ADGRB1: variants seen among roughly 807,000 people sequenced by gnomAD.
The protein encoded by ADGRB1 is adhesion G protein-coupled receptor B1.
Under a neutral mutation model 175.7 loss-of-function variants are expected in ADGRB1, and 36 were observed. That is an observed-to-expected ratio of 0.20 (90% CI 0.16 to 0.27). The LOEUF (loss-of-function observed/expected upper bound fraction) is 0.27, where lower values mean the gene tolerates loss of function less well. Ranked by LOEUF, ADGRB1 falls within the 10% of genes least tolerant of loss-of-function variation. The pLI, the probability that ADGRB1 is intolerant of heterozygous loss-of-function variation, is 1.00. For synonymous variants in ADGRB1, 1,054 were observed against 979.4 expected, an observed-to-expected ratio of 1.08 and a Z score of -1.42; for missense variants, 1,731 against 2,255.3, an observed-to-expected ratio of 0.77 and a Z score of 4.71.
chr8:142,454,744 A>G (rs530536163), intron 1 of ADGRB1, among the ~76,000 whole-genome samples: 1 of 152,180 alleles, frequency 6.6e-6, no homozygotes, highest in South Asian at 2.1e-4. Context: ...GCCACTGAGG[A>G]GGCGGCTCCG....
chr8:142,544,250 C>T lies in ADGRB1; in HGVS notation c.4588C>T (p.Pro1530Ser), dbSNP rs1402389845. Residue 1530 changes from proline to serine, a missense_variant, in exon 31 of 31, where the codon CCC (proline) becomes TCC (serine). By Grantham distance (74) the Pro-to-Ser change is moderately conservative. Coordinates refer to ENST00000517894, the MANE Select transcript of ADGRB1 (RefSeq NM_001702.3). ...AAAGCAGCAGACGCCCAACAAGAGGCCCTGGGAGAGCCTCCGGAAAGCCCA... is the reference window on the plus strand; with the variant it reads ...AAAGCAGCAGACGCCCAACAAGAGGTCCTGGGAGAGCCTCCGGAAAGCCCA... ...PEKQQTPNKR[P>S]WESLRKAHGT... 5.2e-6 allele frequency: 8 copies of T among 1,549,096 alleles called. No homozygotes were observed. Among genetic ancestry groups the T allele is most frequent in the Non-Finnish European group, 7.0e-6 (8 of 1,146,686 alleles).
rs1389179658 is a variant in ADGRB1 at position 142,489,384 on chromosome 8, C to G, written c.2577C>G (p.Pro859=). The G allele has an allele frequency of 6.2e-7, 1 of 1,612,990 alleles. No individual in the cohort carries two copies. Among genetic ancestry groups the G allele is most frequent in the South Asian group, 1.1e-5 (1 of 91,084 alleles). The part of the protein sequence containing the change: ...NSKVISVTVK[P]PPRSLRTPLE... Reference sequence around the variant, plus strand: ...AGGTGATCTCCGTGACTGTGAAACCCCCGCCTCGCTCCCTGCGCACACCCT... The same window carrying G: ...AGGTGATCTCCGTGACTGTGAAACCGCCGCCTCGCTCCCTGCGCACACCCT... Residue 859 remains proline (P), a synonymous_variant, in exon 16 of 31, where the codon CCC becomes CCG. Transcript: ENST00000517894.
rs1843069336 is a variant in ADGRB1, at chr8:142,510,947, C to A, written c.2691C>A (p.Ala897=). The A allele has an allele frequency of 7.8e-7, 1 of 1,288,682 alleles. No homozygotes were observed. Among genetic ancestry groups the A allele is most frequent in the Non-Finnish European group, 1.0e-6 (1 of 1,000,424 alleles). The allele number at this position is 1,288,682 out of a possible 1,614,324, so 79.8% of individuals were successfully genotyped here. A position where few individuals can be genotyped will look rare whatever the true frequency, so the allele number is the denominator to read the frequency against. Residue 897 remains alanine (A), a synonymous_variant, in exon 18 of 31, where the codon GCC becomes GCA. Coordinates refer to ENST00000517894, the MANE Select transcript of ADGRB1 (RefSeq NM_001702.3). The surrounding 1 kb of genome is among the most constrained non-coding windows in gnomAD (Gnocchi z 6.3). ...CCGCCCCCAGACCCTCCTCCTCCGC[C>A]CCCCCGCAGCTCGGGCCCTGGTCGT... ...WDETDVPSSS[A]PPQLGPWSWR...
At position 142,542,909 on chromosome 8, in the gene ADGRB1, A is replaced by C. The variant is rs1243674440; in HGVS notation, c.4413+262A>C. Among the ~76,000 whole-genome samples, 2 of 152,118 alleles carry C rather than the reference A, an allele frequency of 1.3e-5. No individual in the cohort carries two copies. The highest frequency in any genetic ancestry group is 2.9e-5 in the Non-Finnish European group (2 of 67,996). ...TCTGGACCCACGGAGCAGGACCTGC[A>C]CCTCGCACAGTCGCTAGTCCAGCCC... On this transcript the variant is annotated intron_variant, in intron 28 of 30. Coordinates refer to ENST00000517894, the MANE Select transcript of ADGRB1 (RefSeq NM_001702.3). This position sits in a 1 kb window ranked among gnomAD's most constrained non-coding sequence, Gnocchi z 6.3.
At position 142,474,799 on chromosome 8, in the gene ADGRB1, C is replaced by T. The variant is rs1011907284; in HGVS notation, c.785-675C>T. Among the ~76,000 whole-genome samples, 2 of 152,006 alleles carry T rather than the reference C, an allele frequency of 1.3e-5. No homozygotes were observed. Among genetic ancestry groups the T allele is most frequent in the African/African-American group, 2.4e-5 (1 of 41,380 alleles). On this transcript the variant is annotated intron_variant, in intron 2 of 30. Coordinates refer to ENST00000517894, the MANE Select transcript of ADGRB1 (RefSeq NM_001702.3). The surrounding 1 kb of genome is among the most constrained non-coding windows in gnomAD (Gnocchi z 5.8). ...GGCCGGGGTCAGGGCAGGGGCGTGGCGGGGAGGCGCCTGCAGGCATTTATC... is the reference window on the plus strand; with the variant it reads ...GGCCGGGGTCAGGGCAGGGGCGTGGTGGGGAGGCGCCTGCAGGCATTTATC...
chr8:142,528,324 TC>T (rs1450134178), intron 24 of ADGRB1, among the ~76,000 whole-genome samples: 2 of 151,650 alleles, frequency 1.3e-5, no homozygotes, highest in African/African-American at 2.4e-5. Flanking sequence ...CTCACTACCT[TC>T]CCCCCATGCC....
intron 17 of ADGRB1, 70 bp downstream of exon 17, chr8:142,490,885 G>T: frequency 1.3e-6 from 2 of 1,525,008 alleles, no homozygotes; most frequent in African/African-American, 1.4e-5. Context: ...CCCAGTAGGG[G>T]AGGGGTGCAG....
Position 142,543,267 on chromosome 8 carries a change from G to A in ADGRB1, c.4414-136G>A. The A allele has an allele frequency of 8.6e-7, 1 of 1,166,230 alleles. No homozygotes were observed. The highest frequency in any genetic ancestry group is 1.2e-6 in the Non-Finnish European group (1 of 812,210). The allele number at this position is 1,166,230 out of a possible 1,614,324, so 72.2% of individuals were successfully genotyped here. On this transcript the variant is annotated intron_variant, in intron 28 of 30. Transcript: ENST00000517894. The surrounding 1 kb of genome is among the most constrained non-coding windows in gnomAD (Gnocchi z 4.4). ...GCTGCCTCAGTGCGCCCCCAGGCAT[G>A]TCCCCTGGGTCTGGCCTGGTCCCTG...
intron 25 of ADGRB1, among the ~76,000 whole-genome samples, chr8:142,535,669 G>T (rs1844882215): frequency 1.3e-5 from 2 of 152,172 alleles, no homozygotes; most frequent in Non-Finnish European, 2.9e-5. Context: ...CATGAGGCTG[G>T]GGCCTCCTGG....
At chr8:142,456,319 A>G (rs958587131) in intron 1 of ADGRB1, among the ~76,000 whole-genome samples, 2 of 152,128 alleles carry the variant, frequency 1.3e-5, no homozygotes. Context: ...CTGTGCGCAC[A>G]CACTTGCTCA....
chr8:142,458,719 G>A (rs752057751), intron 1 of ADGRB1, among the ~76,000 whole-genome samples: 64 of 152,208 alleles, frequency 4.2e-4, no homozygotes, highest in Non-Finnish European at 7.9e-4. Flanking sequence ...CAGCAGAAGG[G>A]ATGGGGGCTA....
At chr8:142,475,339 A>C (rs1840895132) in intron 2 of ADGRB1, 135 bp from the exon 3 acceptor site, 1 of 934,592 alleles carries the variant, frequency 1.1e-6, no homozygotes, top group Admixed American at 4.3e-5. Flanking sequence ...AGGTCCTCCC[A>C]GGCCAGGCCT....
At chr8:142,488,234 C>T (rs1434794910) in intron 13 of ADGRB1, 130 bp from the exon 14 acceptor site, 21 of 1,335,618 alleles carry the variant, frequency 1.6e-5, no homozygotes, top group Non-Finnish European at 2.2e-5. Context: ...ACTCCTGCCT[C>T]TGAGCCATGG....
intron 17 of ADGRB1, among the ~76,000 whole-genome samples, chr8:142,496,232 T>C (rs1842209303): frequency 6.8e-6 from 1 of 146,182 alleles, no homozygotes; most frequent in Non-Finnish European, 1.5e-5. Flanking sequence ...TGGCTGGATG[T>C]AGAGATGGTA....
chr8:142,469,804 G>T (rs772045796), intron 2 of ADGRB1, among the ~76,000 whole-genome samples: 2 of 147,438 alleles, frequency 1.4e-5, no homozygotes, highest in South Asian at 2.1e-4. Flanking sequence ...CGTGTGCGTG[G>T]GGGGGATGGG....
intron 17 of ADGRB1, among the ~76,000 whole-genome samples, chr8:142,505,922 G>C (rs899576214): frequency 9.2e-5 from 14 of 152,164 alleles, no homozygotes; most frequent in Admixed American, 9.2e-4. Context: ...TGGGGGAGGT[G>C]AAGCGGGGAC....
Position 142,510,124 on chromosome 8 carries a change from G to A in ADGRB1, c.2676-808G>A, listed in dbSNP as rs1396191058. ...TGGAGGAGGAAGAACAGGAGGAGGA[G>A]GTTGGGGGTGGAGAGGAGGAGGAGG... is the stretch of plus-strand genomic sequence containing the variant. On this transcript the variant is annotated intron_variant, in intron 17 of 30. Transcript: ENST00000517894. This position sits in a 1 kb window ranked among gnomAD's most constrained non-coding sequence, Gnocchi z 6.3. Among the ~76,000 whole-genome samples the A allele has an allele frequency of 6.6e-6, 1 of 152,072 alleles. No homozygotes were observed. The highest frequency in any genetic ancestry group is 1.9e-4 in the East Asian group (1 of 5,168).
intron 24 of ADGRB1, 104 bp from the exon 25 acceptor site, chr8:142,533,191 A>G: frequency 8.0e-7 from 1 of 1,251,804 alleles, no homozygotes; most frequent in Non-Finnish European, 1.1e-6. Context: ...AGAGACGGGG[A>G]CTTAGGGCTG....
At chr8:142,481,046 G>A (rs1346673172) in intron 9 of ADGRB1, among the ~76,000 whole-genome samples, 3 of 152,260 alleles carry the variant, frequency 2.0e-5, no homozygotes, top group Non-Finnish European at 2.9e-5. Context: ...GCCAGGTCCT[G>A]AGTCCTTGGG....
Sources: allele counts gnomAD v4.1 joint callset (sites outside exome capture counted in the v4.1 genomes callset), GRCh38; gene constraint gnomAD v4.1.1; non-coding constraint Gnocchi (gnomAD v3.1); transcripts MANE v1.5; gene names NCBI Gene and HGNC (gene_info 2026-07-23, HGNC 2026-07-21).